Variants in FUT9 observed in about 807,000 individuals in gnomAD.
FUT9 encodes fucosyltransferase 9.
Under a neutral mutation model 29.7 loss-of-function variants are expected in FUT9, and 15 were observed. The observed-to-expected ratio is 0.51, with a 90% CI of 0.34 to 0.78. FUT9 has a LOEUF of 0.78. Among genes scored for constraint, FUT9 ranks in the 30% least tolerant of loss-of-function variants. The probability of loss-of-function intolerance (pLI) is 0.01; values close to 1 mark genes in which losing one functional copy is unlikely to be tolerated. For missense variants in FUT9, 319 were observed against 425.4 expected, an observed-to-expected ratio of 0.75 and a Z score of 2.20; for synonymous variants, 169 against 153.7, an observed-to-expected ratio of 1.10 and a Z score of -0.74.
intron 2 of FUT9, among the ~76,000 whole-genome samples, chr6:96,164,538 G>A (rs1159726916): frequency 1.3e-5 from 2 of 152,156 alleles, no homozygotes; most frequent in Non-Finnish European, 2.9e-5. Flanking sequence ...GATTACAGGC[G>A]TGAGCCACAT....
chr6:96,155,023 G>T (rs1772749713), intron 2 of FUT9, among the ~76,000 whole-genome samples: 1 of 152,138 alleles, frequency 6.6e-6, no homozygotes, highest in Non-Finnish European at 1.5e-5. Context: ...AACATTTCAG[G>T]TGGCTCTCAA....
chr6:96,108,471 A>G (rs1379355453), intron 1 of FUT9, among the ~76,000 whole-genome samples: 1 of 152,176 alleles, frequency 6.6e-6, no homozygotes, highest in Non-Finnish European at 1.5e-5. Context: ...GAATGAGAAC[A>G]TATATGTATA....
chr6:96,040,667 C>T (rs1770444464), intron 1 of FUT9, among the ~76,000 whole-genome samples: 1 of 151,938 alleles, frequency 6.6e-6, no homozygotes, highest in Admixed American at 6.6e-5. Context: ...AAGAACAGTG[C>T]AGTGTGGATA....
intron 1 of FUT9, among the ~76,000 whole-genome samples, chr6:96,033,573 T>C (rs1356812189): frequency 6.6e-6 from 1 of 151,540 alleles, no homozygotes; most frequent in Non-Finnish European, 1.5e-5. Flanking sequence ...CTGTCCAAGG[T>C]CAGTTTCCCT....
At chr6:96,184,212 C>G (rs529793422) in intron 2 of FUT9, among the ~76,000 whole-genome samples, 1 of 152,190 alleles carries the variant, frequency 6.6e-6, no homozygotes, top group South Asian at 2.1e-4. Context: ...TCCATCTCCT[C>G]TAGCTTTTCT....
intron 1 of FUT9, among the ~76,000 whole-genome samples, chr6:96,083,081 C>T (rs1771264157): frequency 6.6e-6 from 1 of 151,938 alleles, no homozygotes; most frequent in Non-Finnish European, 1.5e-5. Context: ...ACACACTGAA[C>T]ATTTTATATT....
chr6:96,054,920 C>T (rs1770735178), intron 1 of FUT9, among the ~76,000 whole-genome samples: 2 of 152,042 alleles, frequency 1.3e-5, no homozygotes, highest in African/African-American at 4.8e-5. Flanking sequence ...TCATTTTTAT[C>T]CTTTCTGATT....
intron 1 of FUT9, among the ~76,000 whole-genome samples, chr6:96,038,836 A>C (rs1770406481): frequency 6.6e-6 from 1 of 152,096 alleles, no homozygotes; most frequent in South Asian, 2.1e-4. Context: ...GACCTGAATG[A>C]CCTTCTTTGC....
At chr6:96,119,736 T>G (rs80052304) in intron 2 of FUT9, among the ~76,000 whole-genome samples, 3,622 of 152,280 alleles carry the variant, frequency 0.024, 63 homozygotes, top group Non-Finnish European at 0.038. Flanking sequence ...TGTGATCTCA[T>G]AATCCACACA....
intron 2 of FUT9, among the ~76,000 whole-genome samples, chr6:96,194,787 A>G (rs1773593063): frequency 6.6e-6 from 1 of 152,112 alleles, no homozygotes; most frequent in South Asian, 2.1e-4. Context: ...GCTAAGTTAT[A>G]AAAGACTGCT....
intron 1 of FUT9, among the ~76,000 whole-genome samples, chr6:96,024,681 T>C (rs1320919827): frequency 6.6e-6 from 1 of 151,768 alleles, no homozygotes; most frequent in Non-Finnish European, 1.5e-5. Context: ...ATCTCTTAAG[T>C]TCTCCCAGTT....
chr6:96,047,565 C>T (rs1195746740), intron 1 of FUT9, among the ~76,000 whole-genome samples: 1 of 152,082 alleles, frequency 6.6e-6, no homozygotes, highest in Non-Finnish European at 1.5e-5. Flanking sequence ...TAATTACATT[C>T]ATTGTATATG....
At chr6:96,200,008 G>A (rs1381110912) in intron 2 of FUT9, among the ~76,000 whole-genome samples, 1 of 152,136 alleles carries the variant, frequency 6.6e-6, no homozygotes, top group African/African-American at 2.4e-5. Flanking sequence ...ATTATCAAGT[G>A]CCCAGATTCT....
chr6:96,124,317 A>G (rs185280473), intron 2 of FUT9, among the ~76,000 whole-genome samples: 1 of 151,512 alleles, frequency 6.6e-6, no homozygotes, highest in Admixed American at 6.6e-5. Context: ...ACGACCGGCT[A>G]ATTTTTCTAT....
intron 1 of FUT9, among the ~76,000 whole-genome samples, chr6:96,099,792 G>A (rs1449091506): frequency 6.6e-6 from 1 of 152,062 alleles, no homozygotes; most frequent in African/African-American, 2.4e-5. Context: ...AAAATATCCA[G>A]TGTTCCTGCA....
chr6:96,079,202 A>G (rs1044631687), intron 1 of FUT9, among the ~76,000 whole-genome samples: 22 of 152,188 alleles, frequency 1.4e-4, no homozygotes, highest in Admixed American at 6.5e-5. Flanking sequence ...GAAACACCAG[A>G]TTTATATGCA....
At chr6:96,088,201 C>T (rs1324786149) in intron 1 of FUT9, among the ~76,000 whole-genome samples, 1 of 151,726 alleles carries the variant, frequency 6.6e-6, no homozygotes, top group East Asian at 1.9e-4. Context: ...TAACAAACCT[C>T]CACGTTGTGC....
At chr6:96,171,900 G>A (rs1773119530) in intron 2 of FUT9, among the ~76,000 whole-genome samples, 1 of 152,150 alleles carries the variant, frequency 6.6e-6, no homozygotes, top group Admixed American at 6.6e-5. Flanking sequence ...TGTCTAATAT[G>A]TAAGACCTTT....
chr6:96,142,401 A>T (rs147521564), intron 2 of FUT9, among the ~76,000 whole-genome samples: 1 of 152,340 alleles, frequency 6.6e-6, no homozygotes, highest in East Asian at 1.9e-4. Flanking sequence ...TCAGTGTCAG[A>T]TCTAAAGTGG....
Sources: gnomAD v4.1 joint callset for allele counts (sites outside exome capture counted in the v4.1 genomes callset) on GRCh38, gnomAD v4.1.1 for gene constraint, MANE v1.5 for transcripts, NCBI Gene and HGNC (gene_info 2026-07-23, HGNC 2026-07-21) for gene names.